The following BANK1 variants were observed in gnomAD, a reference collection of about 807,000 sequenced individuals.
The protein encoded by BANK1 is B-cell scaffold protein with ankyrin repeats.
Under a neutral mutation model 94.5 loss-of-function variants are expected in BANK1, and 95 were observed. The observed-to-expected ratio is 1.00, with a 90% CI of 0.85 to 1.19. The LOEUF (loss-of-function observed/expected upper bound fraction) is 1.19. Among genes scored for constraint, BANK1 ranks in the 50% most tolerant of loss-of-function variants. BANK1 has a pLI of 0.00. For missense variants in BANK1, 987 were observed against 932.2 expected (o/e 1.06, Z -0.77); for synonymous variants, 334 against 308.4 (o/e 1.08, Z -0.87).
intron 7 of BANK1, among the ~76,000 whole-genome samples, chr4:102,010,048 C>T (rs971815392): frequency 4.6e-5 from 7 of 152,116 alleles, no homozygotes; most frequent in Non-Finnish European, 5.9e-5. Flanking sequence ...GGGCAGATCA[C>T]GAAGTCAGGA....
chr4:102,019,551 T>C (rs958580715), intron 7 of BANK1, among the ~76,000 whole-genome samples: 18 of 152,184 alleles, frequency 1.2e-4, no homozygotes, highest in African/African-American at 3.9e-4. Context: ...ACAGCTAATA[T>C]ATGATAGAGC....
Position 101,999,656 on chromosome 4 carries a change from A to G in BANK1, c.1207-21858A>G, listed in dbSNP as rs142793636. ...TGTTTGAACTTTTAAAGCAGCTTAC[A>G]GTTAAATAGGTGAAACAAACCAATA... is the stretch of plus-strand genomic sequence containing the variant. On this transcript the variant is annotated intron_variant, in intron 7 of 16. Coordinates refer to ENST00000322953, the MANE Select transcript of BANK1 (RefSeq NM_017935.5). Among the ~76,000 whole-genome samples the G allele has an allele frequency of 1.8e-3, 271 of 152,352 alleles. 1 individual carries two copies. Among genetic ancestry groups the G allele is most frequent in the African/African-American group, 6.0e-3 (251 of 41,582 alleles).
chr4:102,020,535 A>T (rs971350670), intron 7 of BANK1, among the ~76,000 whole-genome samples: 1 of 152,134 alleles, frequency 6.6e-6, no homozygotes, highest in African/African-American at 2.4e-5. Context: ...TTAAAAAAAA[A>T]TTAATGAGTT....
intron 8 of BANK1, among the ~76,000 whole-genome samples, chr4:102,024,486 G>C (rs532608575): frequency 2.0e-5 from 3 of 151,940 alleles, no homozygotes; most frequent in East Asian, 3.9e-4. Context: ...AGCATTTACT[G>C]TATATAATAT....
chr4:102,043,942 C>CT lies in BANK1; in HGVS notation c.1969+36dup, dbSNP rs753908149. 29 of 1,299,224 alleles carry CT rather than the reference C, an allele frequency of 2.2e-5. 1 individual carries two copies. In the South Asian group the frequency reaches 3.6e-4, roughly 16 times the overall value. 80.5% of individuals were successfully genotyped at this position (1,299,224 alleles called of 1,614,324 possible). ...CTAACTTCAATCTATTTAGTAATCT[C>CT]TAGGTAAAATATCAAGAAATCTTAT... On this transcript the variant is annotated intron_variant, in intron 11 of 16. Coordinates refer to ENST00000322953, the MANE Select transcript of BANK1 (RefSeq NM_017935.5).
chr4:101,887,050 T>C (rs1161623265), intron 5 of BANK1, among the ~76,000 whole-genome samples: 1 of 152,190 alleles, frequency 6.6e-6, no homozygotes, highest in Non-Finnish European at 1.5e-5. Context: ...GGAAGCAATA[T>C]GTGCAAATTT....
chr4:101,843,886 C>A (rs1024378789), intron 2 of BANK1, among the ~76,000 whole-genome samples: 1 of 152,118 alleles, frequency 6.6e-6, no homozygotes, highest in Non-Finnish European at 1.5e-5. Context: ...CACACCGTTG[C>A]ACTCCAGCCT....
chr4:101,957,887 C>G (rs1724419669), intron 7 of BANK1, among the ~76,000 whole-genome samples: 1 of 148,782 alleles, frequency 6.7e-6, no homozygotes, highest in Admixed American at 6.8e-5. Flanking sequence ...CTCTGTCGCC[C>G]AGGCTGGAAT....
chr4:101,962,175 C>T (rs1401291210), intron 7 of BANK1, among the ~76,000 whole-genome samples: 1 of 152,126 alleles, frequency 6.6e-6, no homozygotes, highest in African/African-American at 2.4e-5. Context: ...ATGTCAATCA[C>T]CTTTGCTCAG....
chr4:101,925,424 C>T (rs1723123694), intron 7 of BANK1, among the ~76,000 whole-genome samples: 1 of 151,674 alleles, frequency 6.6e-6, no homozygotes, highest in Non-Finnish European at 1.5e-5. Context: ...ACCTATGCCT[C>T]AGTAGGTAAT....
At chr4:101,843,296 T>C (rs1363482048) in intron 2 of BANK1, among the ~76,000 whole-genome samples, 1 of 152,186 alleles carries the variant, frequency 6.6e-6, no homozygotes, top group Non-Finnish European at 1.5e-5. Context: ...TATTCCACTA[T>C]ATTAATCTTG....
At chr4:101,903,013 A>G (rs1195897581) in intron 6 of BANK1, among the ~76,000 whole-genome samples, 1 of 152,232 alleles carries the variant, frequency 6.6e-6, no homozygotes, top group Non-Finnish European at 1.5e-5. Context: ...AAGAATCAGA[A>G]ATCACATTAA....
intron 5 of BANK1, among the ~76,000 whole-genome samples, chr4:101,885,251 G>A (rs923834585): frequency 1.3e-5 from 2 of 152,174 alleles, no homozygotes; most frequent in Admixed American, 1.3e-4. Flanking sequence ...TTCTCAGCAT[G>A]TAATTCTGCT....
At position 101,862,631 on chromosome 4, in the gene BANK1, T is replaced by C. The variant is rs1727922987; in HGVS notation, c.730T>C (p.Trp244Arg). 6.2e-7 allele frequency: 1 copy of C among 1,608,894 alleles called. No homozygotes were observed. Among genetic ancestry groups the C allele is most frequent in the African/African-American group, 1.3e-5 (1 of 74,706 alleles). The change falls in exon 4 of 17, where the codon TGG (tryptophan) becomes CGG (arginine). Residue 244 changes from tryptophan to arginine, a missense_variant. Transcript: ENST00000322953. Reference sequence around the variant, plus strand: ...GCGCATTAGAACACGGCCAGCCCTTTGGAATAAGAAAGTCTGGTGCATGAA... The same window carrying C: ...GCGCATTAGAACACGGCCAGCCCTTCGGAATAAGAAAGTCTGGTGCATGAA... ...NKRIRTRPAL[W>R]NKKVWCMKAL...
At chr4:101,899,871 C>A (rs1026452833) in intron 6 of BANK1, among the ~76,000 whole-genome samples, 3 of 152,194 alleles carry the variant, frequency 2.0e-5, no homozygotes, top group African/African-American at 4.8e-5. Flanking sequence ...TCAAAGAAAT[C>A]TTTTGGCCTC....
intron 10 of BANK1, among the ~76,000 whole-genome samples, chr4:102,035,876 T>C (rs905274529): frequency 6.6e-6 from 1 of 152,162 alleles, no homozygotes; most frequent in African/African-American, 2.4e-5. Context: ...TTCATTAAGC[T>C]TGAAGAATAC....
At chr4:102,041,118 C>G (rs757572083) in intron 10 of BANK1, among the ~76,000 whole-genome samples, 1 of 152,072 alleles carries the variant, frequency 6.6e-6, no homozygotes, top group Non-Finnish European at 1.5e-5. Flanking sequence ...TAACCCTACA[C>G]TCAGTTCTCA....
chr4:102,066,555 C>A (rs1281430515), intron 13 of BANK1, among the ~76,000 whole-genome samples: 6 of 151,996 alleles, frequency 3.9e-5, no homozygotes, highest in Non-Finnish European at 7.4e-5. Context: ...ATGCGACCAG[C>A]CAATAACATC....
intron 2 of BANK1, among the ~76,000 whole-genome samples, chr4:101,848,226 G>T (rs1727332869): frequency 6.6e-6 from 1 of 152,118 alleles, no homozygotes; most frequent in African/African-American, 2.4e-5. Context: ...CCTGGGTCCT[G>T]TAGGAGCAGT....
Sources: allele counts gnomAD v4.1 joint callset (sites outside exome capture counted in the v4.1 genomes callset), GRCh38; gene constraint gnomAD v4.1.1; transcripts MANE v1.5; gene names NCBI Gene and HGNC (gene_info 2026-07-23, HGNC 2026-07-21).